ADCY8: variants seen among roughly 807,000 people sequenced by gnomAD.
The protein encoded by ADCY8 is adenylate cyclase type 8.
A neutral mutation model predicts 119.7 loss-of-function variants in ADCY8; 51 were observed. The ratio of observed to expected loss-of-function variants is 0.43; its 90% confidence interval spans 0.34 to 0.54. The LOEUF (loss-of-function observed/expected upper bound fraction) is 0.54, where lower values mean the gene tolerates loss of function less well. ADCY8 is among the 20% of genes least tolerant of loss of function. The probability of loss-of-function intolerance (pLI) is 0.03; values close to 1 mark genes in which losing one functional copy is unlikely to be tolerated. For synonymous variants in ADCY8, 665 were observed against 651.0 expected (o/e 1.02, Z -0.33); for missense variants, 1,383 against 1,598.8 (o/e 0.87, Z 2.30).
chr8:130,996,408 G>A (rs1329050902), intron 1 of ADCY8, among the ~76,000 whole-genome samples: 1 of 151,944 alleles, frequency 6.6e-6, no homozygotes, highest in African/African-American at 2.4e-5. Flanking sequence ...GATTAGAGGG[G>A]GGTCTTGACC....
Position 131,039,765 on chromosome 8 carries a change from A to G in ADCY8, c.569T>C (p.Val190Ala). The G allele has an allele frequency of 6.2e-7, 1 of 1,614,166 alleles. No individual in the cohort carries two copies. Among genetic ancestry groups the G allele is most frequent in the Non-Finnish European group, 8.5e-7 (1 of 1,180,034 alleles). The part of the protein sequence containing the change: ...KSEVVMNVLD[V>A]LTKLTLLVLH... ...GACCAAGAGAGTGAGTTTGGTCAGC[A>G]CGTCCAGCACGTTCATCACCACTTC... Residue 190 changes from valine to alanine, a missense_variant, in exon 1 of 18, where the codon GTG (valine) becomes GCG (alanine). Physicochemically the swap from Val to Ala is moderately conservative, Grantham distance 64. This residue lies in a region of ADCY8 where 455 missense variants were observed against 435.3 expected (regional missense o/e 1.05). Coordinates refer to ENST00000286355, the MANE Select transcript of ADCY8 (RefSeq NM_001115.3).
At chr8:130,909,030 C>T (rs1032209764) in intron 6 of ADCY8, among the ~76,000 whole-genome samples, 3 of 91,520 alleles carry the variant, frequency 3.3e-5, no homozygotes, top group African/African-American at 9.2e-5. Flanking sequence ...TCCATCCATC[C>T]ATCCATCCAC....
chr8:131,016,637 T>C (rs891742607), intron 1 of ADCY8, among the ~76,000 whole-genome samples: 1 of 152,100 alleles, frequency 6.6e-6, no homozygotes, highest in African/African-American at 2.4e-5. Context: ...TAGCCAGTGG[T>C]AAGGCCAAGA....
intron 5 of ADCY8, among the ~76,000 whole-genome samples, chr8:130,925,753 T>A (rs1209531721): frequency 6.6e-6 from 1 of 152,242 alleles, no homozygotes; most frequent in Non-Finnish European, 1.5e-5. Context: ...TTTGGTTTAA[T>A]TAAAATTTGT....
At chr8:130,990,726 G>C (rs1189218068) in intron 1 of ADCY8, 184 bp from the exon 2 acceptor site, 1 of 667,920 alleles carries the variant, frequency 1.5e-6, no homozygotes, top group Non-Finnish European at 2.3e-6. Context: ...CCTTTGGAGA[G>C]GGCTTCTTTC....
chr8:130,985,035 G>A (rs1822355757), intron 2 of ADCY8, among the ~76,000 whole-genome samples: 1 of 152,124 alleles, frequency 6.6e-6, no homozygotes, highest in South Asian at 2.1e-4. Context: ...ACCTTTAAGT[G>A]TTTGGAGGAG....
intron 5 of ADCY8, among the ~76,000 whole-genome samples, chr8:130,934,153 G>A (rs113816172): frequency 0.023 from 3,555 of 152,268 alleles, 50 homozygotes; most frequent in Non-Finnish European, 0.035. Context: ...ATTAGTTGTA[G>A]AGATCTCTGA....
At chr8:131,027,532 A>C (rs993540613) in intron 1 of ADCY8, among the ~76,000 whole-genome samples, 4 of 152,160 alleles carry the variant, frequency 2.6e-5, no homozygotes, top group Non-Finnish European at 4.4e-5. Context: ...GCTGCACTAG[A>C]ACAGAAAGAG....
Position 130,791,706 on chromosome 8 carries a change from G to T in ADCY8, c.3061-6231C>A, listed in dbSNP as rs1026925292. ...CTTCTACAGCTCACTCCACTTACCTGCACCTGTGTGCACACATGTGCCTCT... is the reference window on the plus strand; with the variant it reads ...CTTCTACAGCTCACTCCACTTACCTTCACCTGTGTGCACACATGTGCCTCT... On this transcript the variant is annotated intron_variant, in intron 15 of 17. Coordinates refer to ENST00000286355, the MANE Select transcript of ADCY8 (RefSeq NM_001115.3). Among the ~76,000 whole-genome samples, 5 of 152,158 alleles carry T rather than the reference G, an allele frequency of 3.3e-5. No homozygotes were observed. In the East Asian group the frequency reaches 9.7e-4, roughly 29 times the overall value.
intron 14 of ADCY8, among the ~76,000 whole-genome samples, chr8:130,805,998 G>A (rs1475782247): frequency 6.6e-6 from 1 of 152,210 alleles, no homozygotes; most frequent in Non-Finnish European, 1.5e-5. Flanking sequence ...GTGGGGTAAA[G>A]CACCATAAGA....
intron 9 of ADCY8, among the ~76,000 whole-genome samples, chr8:130,852,417 A>C (rs973229141): frequency 6.6e-6 from 1 of 152,036 alleles, no homozygotes; most frequent in Non-Finnish European, 1.5e-5. Context: ...CTGGAAAAAC[A>C]CTCCCTGACA....
chr8:130,915,412 A>G (rs540076567), intron 5 of ADCY8, among the ~76,000 whole-genome samples: 1 of 152,306 alleles, frequency 6.6e-6, no homozygotes, highest in African/African-American at 2.4e-5. Flanking sequence ...AGGAATCCCA[A>G]TGCTGTAGGG....
At chr8:130,859,558 C>T (rs913953347) in intron 9 of ADCY8, among the ~76,000 whole-genome samples, 1 of 152,200 alleles carries the variant, frequency 6.6e-6, no homozygotes, top group African/African-American at 2.4e-5. Context: ...TCCCCACATC[C>T]CCTTCAGGGA....
At chr8:130,822,193 G>A (rs549648089) in intron 12 of ADCY8, among the ~76,000 whole-genome samples, 3 of 152,170 alleles carry the variant, frequency 2.0e-5, no homozygotes, top group African/African-American at 4.8e-5. Context: ...GGAATACACG[G>A]GAAAAAAAGC....
At chr8:130,905,082 C>A (rs1819736872) in intron 6 of ADCY8, among the ~76,000 whole-genome samples, 1 of 152,192 alleles carries the variant, frequency 6.6e-6, no homozygotes, top group African/African-American at 2.4e-5. Flanking sequence ...TAACACCTAT[C>A]TCTGACTATT....
In ADCY8 at chr8:130,946,681, C is replaced by T. The variant is rs576919330; in HGVS notation, c.1242-3219G>A. 3.3e-5 allele frequency among the ~76,000 whole-genome samples: 5 copies of T among 152,340 alleles called. No individual in the cohort carries two copies. The East Asian group carries it at 9.6e-4, about 29-fold the overall frequency. ...AGAATGAAGTCACCTCTGCATCCCA[C>T]CTGCCCAGCACACAGTTGGCCCTAT... On this transcript the variant is annotated intron_variant, in intron 3 of 17. Coordinates refer to ENST00000286355, the MANE Select transcript of ADCY8 (RefSeq NM_001115.3).
intron 15 of ADCY8, among the ~76,000 whole-genome samples, chr8:130,792,816 C>T (rs1449205433): frequency 6.6e-6 from 1 of 152,190 alleles, no homozygotes; most frequent in Non-Finnish European, 1.5e-5. Context: ...CCCTTCTCTG[C>T]TGGAAACCCT....
chr8:131,005,993 A>C (rs2130771035), intron 1 of ADCY8, among the ~76,000 whole-genome samples: 1 of 152,028 alleles, frequency 6.6e-6, no homozygotes, highest in African/African-American at 2.4e-5. Context: ...TTTTCCTTAA[A>C]TGTCTCCCTG....
chr8:130,790,189 C>A (rs750128271), intron 15 of ADCY8, among the ~76,000 whole-genome samples: 1 of 152,102 alleles, frequency 6.6e-6, no homozygotes, highest in East Asian at 1.9e-4. Flanking sequence ...CAGATTTGAA[C>A]TTAAACTATA....
Sources: allele counts gnomAD v4.1 joint callset (sites outside exome capture counted in the v4.1 genomes callset), GRCh38; gene constraint gnomAD v4.1.1; regional missense constraint gnomAD v4.1.1; transcripts MANE v1.5; gene names NCBI Gene and HGNC (gene_info 2026-07-23, HGNC 2026-07-21).